KLF12: variants seen among roughly 807,000 people sequenced by gnomAD.
KLF12 encodes Krueppel-like factor 12.
Under a neutral mutation model 37.8 loss-of-function variants are expected in KLF12, and 9 were observed. The observed-to-expected ratio is 0.24, with a 90% confidence interval of 0.14 to 0.42. The LOEUF (loss-of-function observed/expected upper bound fraction) is 0.42, where lower values mean the gene tolerates loss of function less well. Ranked by LOEUF, KLF12 falls within the 10% of genes least tolerant of loss-of-function variation. The pLI is 1.00. For missense variants in KLF12, 411 were observed against 516.0 expected (o/e 0.80, Z 1.97); for synonymous variants, 208 against 202.1 (o/e 1.03, Z -0.25).
At chr13:74,107,079 T>C (rs545831739) in intron 1 of KLF12, among the ~76,000 whole-genome samples, 1 of 152,122 alleles carries the variant, frequency 6.6e-6, no homozygotes, top group East Asian at 1.9e-4. Flanking sequence ...TCCCCACAGA[T>C]GGCGCTTGTC....
At chr13:74,223,683 C>A in the KLF12 span, among the ~76,000 whole-genome samples, 2 of 152,168 alleles carry the variant, frequency 1.3e-5, no homozygotes, top group Admixed American at 1.3e-4. Context: ...GAAATCAAGG[C>A]TGAACTGCAT....
intron 1 of KLF12, among the ~76,000 whole-genome samples, chr13:74,006,210 G>C (rs960080721): frequency 1.3e-5 from 2 of 152,078 alleles, no homozygotes; most frequent in Non-Finnish European, 2.9e-5. Flanking sequence ...TGGCATTATA[G>C]ATAACCTGCA....
rs187545224 is a variant in KLF12, at chr13:74,030,583, C to G, written c.-31-35530G>C. Among the ~76,000 whole-genome samples the G allele has an allele frequency of 2.7e-3, 410 of 152,236 alleles. 4 individuals carry two copies. The highest frequency in any genetic ancestry group is 9.1e-3 in the African/African-American group (378 of 41,566). On this transcript the variant is annotated intron_variant, in intron 1 of 7. Transcript: ENST00000377669. Reference sequence around the variant, plus strand: ...CCTGTCCTTTCCTCCCACGCTCTCTCTCATTTTGGCCCCCATCCAAGAGAA... The same window carrying G: ...CCTGTCCTTTCCTCCCACGCTCTCTGTCATTTTGGCCCCCATCCAAGAGAA...
chr13:73,884,313 C>T (rs886267137), intron 3 of KLF12, among the ~76,000 whole-genome samples: 3 of 152,140 alleles, frequency 2.0e-5, no homozygotes, highest in African/African-American at 7.2e-5. Flanking sequence ...TTTAGGCTAG[C>T]GCAAATACGG....
the KLF12 span, among the ~76,000 whole-genome samples, chr13:74,206,513 C>G: frequency 6.6e-6 from 1 of 152,170 alleles, no homozygotes; most frequent in Non-Finnish European, 1.5e-5. Flanking sequence ...CTTCTCTTTT[C>G]TTCCATTCTC....
the KLF12 span, among the ~76,000 whole-genome samples, chr13:74,239,891 T>G: frequency 4.0e-5 from 6 of 151,686 alleles, no homozygotes; most frequent in Non-Finnish European, 8.8e-5. Context: ...TCTTGACTCT[T>G]TATCCAATTT....
intron 1 of KLF12, among the ~76,000 whole-genome samples, chr13:74,082,388 T>C (rs948898817): frequency 3.9e-5 from 6 of 152,216 alleles, no homozygotes; most frequent in African/African-American, 1.4e-4. Flanking sequence ...CTTTCATAGC[T>C]ACTCCACTAT....
At chr13:73,701,752 T>G (rs1418891765) in intron 7 of KLF12, among the ~76,000 whole-genome samples, 2 of 152,142 alleles carry the variant, frequency 1.3e-5, no homozygotes, top group African/African-American at 2.4e-5. Context: ...GCTTGGTGTA[T>G]AGCTTATTAA....
At chr13:74,003,596 A>G (rs1892336076) in intron 1 of KLF12, among the ~76,000 whole-genome samples, 1 of 152,216 alleles carries the variant, frequency 6.6e-6, no homozygotes, top group South Asian at 2.1e-4. Context: ...TATAATTTCA[A>G]GAATTTTATG....
At chr13:74,094,117 T>A (rs1053325251) in intron 1 of KLF12, among the ~76,000 whole-genome samples, 19 of 152,108 alleles carry the variant, frequency 1.2e-4, no homozygotes, top group African/African-American at 4.6e-4. Context: ...TGCCCACCTC[T>A]ACCTTATATA....
chr13:73,905,546 C>G (rs1375824845), intron 3 of KLF12, among the ~76,000 whole-genome samples: 1 of 151,854 alleles, frequency 6.6e-6, no homozygotes, highest in African/African-American at 2.4e-5. Context: ...TAAAAAAAAT[C>G]AATTCCAGAA....
intron 1 of KLF12, among the ~76,000 whole-genome samples, chr13:74,008,858 A>G (rs1252448358): frequency 6.6e-6 from 1 of 152,240 alleles, no homozygotes; most frequent in Non-Finnish European, 1.5e-5. Flanking sequence ...TCTCATTCCC[A>G]GTAGCTCCCA....
At chr13:74,099,812 C>T (rs1876210649) in intron 1 of KLF12, among the ~76,000 whole-genome samples, 1 of 141,720 alleles carries the variant, frequency 7.1e-6, no homozygotes, top group Non-Finnish European at 1.5e-5. Flanking sequence ...GATGCTTCAA[C>T]ACAGGATAAA....
chr13:73,731,910 C>A (rs367893205), intron 6 of KLF12, among the ~76,000 whole-genome samples: 3 of 152,100 alleles, frequency 2.0e-5, no homozygotes, highest in African/African-American at 7.2e-5. Context: ...AAATTTAACA[C>A]CTTTCCTAAG....
intron 1 of KLF12, among the ~76,000 whole-genome samples, chr13:74,032,365 T>A (rs1190072169): frequency 3.9e-5 from 6 of 152,168 alleles, no homozygotes; most frequent in African/African-American, 7.2e-5. Context: ...GCCGCATAAA[T>A]GCTTCACAGT....
chr13:73,705,653 A>T (rs1874877544), intron 7 of KLF12, among the ~76,000 whole-genome samples: 1 of 151,950 alleles, frequency 6.6e-6, no homozygotes, highest in South Asian at 2.1e-4. Context: ...TTCCATTAAA[A>T]CCACAAATTT....
chr13:73,822,972 C>G (rs543314815), intron 4 of KLF12, among the ~76,000 whole-genome samples: 1 of 152,140 alleles, frequency 6.6e-6, no homozygotes, highest in Admixed American at 6.5e-5. Context: ...ACTGAAACTA[C>G]TATAGGCAGA....
At chr13:74,263,925 G>T in the KLF12 span, among the ~76,000 whole-genome samples, 2 of 152,166 alleles carry the variant, frequency 1.3e-5, no homozygotes, top group East Asian at 3.9e-4. Flanking sequence ...TTATAGCCAG[G>T]TTTGTTTTTT....
intron 4 of KLF12, among the ~76,000 whole-genome samples, chr13:73,818,382 A>C (rs1011127477): frequency 6.6e-6 from 1 of 152,218 alleles, no homozygotes; most frequent in Admixed American, 6.5e-5. Flanking sequence ...TCACTGGTGT[A>C]TGGTCACCCA....
Sources: allele counts gnomAD v4.1 joint callset (sites outside exome capture counted in the v4.1 genomes callset), GRCh38; gene constraint gnomAD v4.1.1; transcripts MANE v1.5; gene names NCBI Gene and HGNC (gene_info 2026-07-23, HGNC 2026-07-21).